The following ARHGAP24 variants were observed in gnomAD, a reference collection of about 807,000 sequenced individuals.
The protein encoded by ARHGAP24 is Rho GTPase activating protein 24, also known as rho GTPase-activating protein 24.
A neutral mutation model predicts 76.4 loss-of-function variants in ARHGAP24; 50 were observed. That is an observed-to-expected ratio of 0.65 (90% CI 0.52 to 0.83). The LOEUF is 0.83. ARHGAP24 is among the 40% of genes least tolerant of loss of function. The probability of loss-of-function intolerance (pLI) is 0.00; values close to 1 mark genes in which losing one functional copy is unlikely to be tolerated. For synonymous variants in ARHGAP24, 345 were observed against 323.3 expected (o/e 1.07, Z -0.72); for missense variants, 930 against 914.2 (o/e 1.02, Z -0.22).
chr4:85,559,811 A>T (rs982448763), intron 1 of ARHGAP24, among the ~76,000 whole-genome samples: 1 of 152,136 alleles, frequency 6.6e-6, no homozygotes. Flanking sequence ...TGATGAAATG[A>T]TAGTTGCCGT....
chr4:85,940,746 G>A (rs368288674), intron 4 of ARHGAP24, among the ~76,000 whole-genome samples: 14 of 152,084 alleles, frequency 9.2e-5, no homozygotes, highest in African/African-American at 2.2e-4. Flanking sequence ...CTTGAATATC[G>A]ATACTAAGTT....
At chr4:85,957,511 C>T (rs1304301688) in intron 5 of ARHGAP24, among the ~76,000 whole-genome samples, 4 of 152,176 alleles carry the variant, frequency 2.6e-5, no homozygotes, top group Admixed American at 6.5e-5. Flanking sequence ...CTGATGCTTC[C>T]TCTTTGATGT....
intron 3 of ARHGAP24, among the ~76,000 whole-genome samples, chr4:85,896,633 A>T (rs1734193525): frequency 6.6e-6 from 1 of 152,180 alleles, no homozygotes; most frequent in Non-Finnish European, 1.5e-5. Context: ...ATCTATATCC[A>T]AGACACTTAC....
chr4:85,734,746 CTG>C (rs1461580314), intron 3 of ARHGAP24, among the ~76,000 whole-genome samples: 1 of 143,842 alleles, frequency 7.0e-6, no homozygotes, highest in East Asian at 2.2e-4. Context: ...AATGACAAAA[CTG>C]TGCTTGGAGG....
At chr4:85,984,476 C>T (rs1038722826) in intron 8 of ARHGAP24, among the ~76,000 whole-genome samples, 35 of 152,078 alleles carry the variant, frequency 2.3e-4, no homozygotes, top group Non-Finnish European at 8.8e-5. Flanking sequence ...CTTTTATGCT[C>T]GTACTAATCT....
chr4:85,912,947 C>T (rs1272925624), intron 3 of ARHGAP24, among the ~76,000 whole-genome samples: 1 of 151,836 alleles, frequency 6.6e-6, no homozygotes, highest in Non-Finnish European at 1.5e-5. Context: ...ATTGTCGAAC[C>T]TTATTAAAGA....
In ARHGAP24 at chr4:85,726,792, C is replaced by A. The variant is rs189740874; in HGVS notation, c.268+4820C>A. ...TCGCTTTATTTAATCCTTACTACAA[C>A]TCTATGAGGCAAGCAATGTCATTAT... On this transcript the variant is annotated intron_variant, in intron 3 of 9. Coordinates refer to ENST00000395184, the MANE Select transcript of ARHGAP24 (RefSeq NM_001025616.3). Among the ~76,000 whole-genome samples the A allele has an allele frequency of 9.2e-5, 14 of 152,290 alleles. No individual in the cohort carries two copies. The East Asian group carries it at 2.3e-3, about 25-fold the overall frequency.
chr4:85,590,192 GCCTTCCTT>G (rs563217345), intron 2 of ARHGAP24, among the ~76,000 whole-genome samples: 19,640 of 110,788 alleles, frequency 0.18, 2,036 homozygotes, highest in South Asian at 0.21. Flanking sequence ...CTGCCTGCCT[GCCTTCCTT>G]CCTTCCTTCC....
At chr4:85,813,800 AATAT>A (rs956044848) in intron 3 of ARHGAP24, among the ~76,000 whole-genome samples, 4 of 125,854 alleles carry the variant, frequency 3.2e-5, no homozygotes, top group African/African-American at 1.2e-4. Context: ...TAGTTATATA[AATAT>A]ATATATATTT....
intron 3 of ARHGAP24, among the ~76,000 whole-genome samples, chr4:85,852,859 G>C (rs1325160634): frequency 6.6e-6 from 1 of 152,150 alleles, no homozygotes; most frequent in Non-Finnish European, 1.5e-5. Context: ...GTCCCAGAGG[G>C]GCATACGGCA....
At chr4:85,733,493 A>T (rs1157279794) in intron 3 of ARHGAP24, among the ~76,000 whole-genome samples, 2 of 152,170 alleles carry the variant, frequency 1.3e-5, no homozygotes, top group Non-Finnish European at 2.9e-5. Flanking sequence ...TTTTAAAATA[A>T]CATTTTCTGT....
chr4:85,661,381 A>G (rs182317327), intron 2 of ARHGAP24, among the ~76,000 whole-genome samples: 6 of 152,294 alleles, frequency 3.9e-5, no homozygotes, highest in African/African-American at 1.4e-4. Flanking sequence ...CGTAGGCTCA[A>G]ATCTATTACA....
At chr4:85,520,686 G>A (rs1296838102) in intron 1 of ARHGAP24, among the ~76,000 whole-genome samples, 1 of 152,170 alleles carries the variant, frequency 6.6e-6, no homozygotes, top group African/African-American at 2.4e-5. Context: ...GCAGGACCTG[G>A]TTGTACCACT....
At chr4:85,495,517 A>AT (rs70948730) in intron 1 of ARHGAP24, among the ~76,000 whole-genome samples, 82,740 of 150,268 alleles carry the variant, frequency 0.55, 25,147 homozygotes, top group East Asian at 0.88. Flanking sequence ...CGCCCAGCTA[A>AT]TTTTTTTATA....
intron 3 of ARHGAP24, among the ~76,000 whole-genome samples, chr4:85,835,374 A>T (rs930562947): frequency 6.6e-6 from 1 of 151,864 alleles, no homozygotes; most frequent in African/African-American, 2.4e-5. Context: ...CCTAGCTAAC[A>T]CGGTGAAACC....
chr4:85,529,594 G>C (rs1725171112), intron 1 of ARHGAP24, among the ~76,000 whole-genome samples: 1 of 151,942 alleles, frequency 6.6e-6, no homozygotes, highest in Non-Finnish European at 1.5e-5. Context: ...AAACTGTTGG[G>C]TATTGTAGGA....
At chr4:85,661,368 C>T (rs1179492301) in intron 2 of ARHGAP24, among the ~76,000 whole-genome samples, 1 of 152,120 alleles carries the variant, frequency 6.6e-6, no homozygotes, top group Non-Finnish European at 1.5e-5. Flanking sequence ...AAACAAAATA[C>T]GTCGTAGGCT....
chr4:85,894,960 C>CAAAAAAAAAA (rs540459367), intron 3 of ARHGAP24, among the ~76,000 whole-genome samples: 6 of 35,352 alleles, frequency 1.7e-4, no homozygotes, highest in African/African-American at 3.2e-4. Context: ...GACTCCCTCT[C>CAAAAAAAAAA]AAAAAAAAAA....
chr4:85,893,979 T>G, intron 3 of ARHGAP24, among the ~76,000 whole-genome samples: 2 of 139,286 alleles, frequency 1.4e-5, no homozygotes, highest in South Asian at 2.7e-4. Flanking sequence ...GGGATAGCAT[T>G]GGGAGATATA....
Sources: gnomAD v4.1 joint callset for allele counts (sites outside exome capture counted in the v4.1 genomes callset) on GRCh38, gnomAD v4.1.1 for gene constraint, MANE v1.5 for transcripts, NCBI Gene and HGNC (gene_info 2026-07-23, HGNC 2026-07-21) for gene names.